KCNQ1OT1: variants seen among roughly 807,000 people sequenced by gnomAD.
KCNQ1OT1 encodes the protein KCNQ1 antisense RNA 2 (non-protein coding).
At chr11:2,618,544 G>T (rs537318166) in exon 1 of KCNQ1OT1, 1 of 398,498 alleles carries the variant, frequency 2.5e-6, no homozygotes, top group Admixed American at 4.4e-5. Context: ...TCTCTATTCT[G>T]TTCCACTGGT....
chr11:2,646,230 T>C, exon 1 of KCNQ1OT1: 1 of 398,672 alleles, frequency 2.5e-6, no homozygotes, highest in Non-Finnish European at 4.4e-6. Context: ...ATGCCTCTAG[T>C]CAGCCATCTT....
Position 2,621,139 on chromosome 11 carries a change from G to A in KCNQ1OT1, n.78856C>T, listed in dbSNP as rs868359295. On this transcript the variant is annotated non_coding_transcript_exon_variant, in exon 1 of 1. Transcript: ENST00000597346. The surrounding 1 kb of genome is among the most constrained non-coding windows in gnomAD (Gnocchi z 5.7). Reference sequence around the variant, plus strand: ...ATTACAGGTGACCGCCACCATACCTGGCTAATTTTTGTGTTTTTAGTAGAG... The same window carrying A: ...ATTACAGGTGACCGCCACCATACCTAGCTAATTTTTGTGTTTTTAGTAGAG... 3 of 396,862 alleles carry A rather than the reference G, an allele frequency of 7.6e-6. No homozygotes were observed. Among genetic ancestry groups the A allele is most frequent in the Middle Eastern group, 6.3e-4 (1 of 1,584 alleles). 24.6% of individuals were successfully genotyped at this position (396,862 alleles called of 1,614,324 possible). A position where few individuals can be genotyped will look rare whatever the true frequency, so the allele number is the denominator to read the frequency against.
chr11:2,662,417 T>C, exon 1 of KCNQ1OT1: 1 of 502,754 alleles, frequency 2.0e-6, no homozygotes, highest in Non-Finnish European at 3.5e-6. Context: ...CGACTTTGTT[T>C]TTTAGCATTT....
At chr11:2,635,008 T>G (rs1849435073) in exon 1 of KCNQ1OT1, 1 of 152,232 alleles carries the variant, frequency 6.6e-6, no homozygotes, top group Non-Finnish European at 1.5e-5. Flanking sequence ...TCATAACCTT[T>G]GCCCACTTTT....
chr11:2,648,197 C>T lies in KCNQ1OT1; in HGVS notation n.51798G>A, dbSNP rs564466058. 3.0e-3 allele frequency: 355 copies of T among 118,188 alleles called. 2 individuals are homozygous for T. The highest frequency in any genetic ancestry group is 4.6e-3 in the Middle Eastern group (1 of 218). The allele number at this position is 118,188 out of a possible 1,614,324, so 7.3% of individuals were successfully genotyped here. A position where few individuals can be genotyped will look rare whatever the true frequency, so the allele number is the denominator to read the frequency against. ...TCTAGCCTGGGTGACAGAGTGAGAC[C>T]GTGTCTCGGGGGGTGGGGGGGAGGC... On this transcript the variant is annotated non_coding_transcript_exon_variant, in exon 1 of 1. Transcript: ENST00000597346.
chr11:2,661,673 G>A lies in KCNQ1OT1; in HGVS notation n.38322C>T. ...GAACATGGGAAGAGGCCCAGAACCT[G>A]AGGTGGGGAGAGTCTTGGACACCTG... On this transcript the variant is annotated non_coding_transcript_exon_variant, in exon 1 of 1. Transcript: ENST00000597346. This position sits in a 1 kb window ranked among gnomAD's most constrained non-coding sequence, Gnocchi z 5.9. 3 of 597,774 alleles carry A rather than the reference G, an allele frequency of 5.0e-6. No homozygotes were observed. The highest frequency in any genetic ancestry group is 8.9e-6 in the Non-Finnish European group (3 of 335,212). 37.0% of individuals were successfully genotyped at this position (597,774 alleles called of 1,614,324 possible).
At chr11:2,637,361 C>T (rs1849489024) in exon 1 of KCNQ1OT1, 1 of 152,168 alleles carries the variant, frequency 6.6e-6, no homozygotes, top group Admixed American at 6.6e-5. Context: ...AAATGTGTCC[C>T]AGAGATTCTG....
exon 1 of KCNQ1OT1, chr11:2,685,865 T>G: frequency 2.5e-6 from 1 of 398,748 alleles, no homozygotes; most frequent in Non-Finnish European, 4.4e-6. Context: ...CACCCAGGAC[T>G]CAGACCACAA....
chr11:2,635,307 G>C (rs1849444842), exon 1 of KCNQ1OT1: 1 of 152,050 alleles, frequency 6.6e-6, no homozygotes, highest in African/African-American at 2.4e-5. Context: ...GGGTTTTTAC[G>C]GTTTTAGGTC....
Position 2,647,229 on chromosome 11 carries a change from G to C in KCNQ1OT1, n.52766C>G, listed in dbSNP as rs992900161. ...ATGCTTTTTCTGCATCTATTGAGAT[G>C]ATCATGTATTTTTTTGTCCTTCCTT... On this transcript the variant is annotated non_coding_transcript_exon_variant, in exon 1 of 1. Coordinates refer to ENST00000597346, the Ensembl canonical transcript of KCNQ1OT1. This position sits in a 1 kb window ranked among gnomAD's most constrained non-coding sequence, Gnocchi z 4.0. The C allele has an allele frequency of 5.0e-6, 2 of 398,340 alleles. No individual in the cohort carries two copies. The highest frequency in any genetic ancestry group is 8.8e-6 in the Non-Finnish European group (2 of 226,008). The allele number at this position is 398,340 out of a possible 1,614,324, so 24.7% of individuals were successfully genotyped here.
chr11:2,652,671 T>C lies in KCNQ1OT1; in HGVS notation n.47324A>G, dbSNP rs1022705119. On this transcript the variant is annotated non_coding_transcript_exon_variant, in exon 1 of 1. Transcript: ENST00000597346. This position sits in a 1 kb window ranked among gnomAD's most constrained non-coding sequence, Gnocchi z 5.9. ...CAGCATGGAGACCCGGGTGGGTCGA[T>C]TTTAGTTGTGTGGGTGGCTGTGTTG... The C allele has an allele frequency of 2.5e-6, 1 of 397,918 alleles. No individual in the cohort carries two copies. The highest frequency in any genetic ancestry group is 4.4e-6 in the Non-Finnish European group (1 of 225,978). The allele number at this position is 397,918 out of a possible 1,614,324, so 24.6% of individuals were successfully genotyped here.
At chr11:2,634,410 C>T (rs1314054251) in exon 1 of KCNQ1OT1, 10 of 190,312 alleles carry the variant, frequency 5.3e-5, no homozygotes, top group Non-Finnish European at 6.1e-5. Flanking sequence ...TTCCCACCTA[C>T]GAGTGAGAAC....
Position 2,627,134 on chromosome 11 carries a change from C to T in KCNQ1OT1, n.72861G>A. 2.5e-6 allele frequency: 1 copy of T among 398,418 alleles called. No homozygotes were observed. The highest frequency in any genetic ancestry group is 4.4e-6 in the Non-Finnish European group (1 of 226,012). The allele number at this position is 398,418 out of a possible 1,614,324, so 24.7% of individuals were successfully genotyped here. On this transcript the variant is annotated non_coding_transcript_exon_variant, in exon 1 of 1. Coordinates refer to ENST00000597346, the Ensembl canonical transcript of KCNQ1OT1. This position sits in a 1 kb window ranked among gnomAD's most constrained non-coding sequence, Gnocchi z 4.9. ...AATTTTCATTGTACAAGACTTTCAC[C>T]TCCTTGGTAAAGTTGGTTCCTAAGT...
exon 1 of KCNQ1OT1, chr11:2,625,856 AC>A (rs1428078267): frequency 1.8e-5 from 7 of 398,546 alleles, no homozygotes; most frequent in African/African-American, 1.4e-4. Flanking sequence ...GGCGTGAGCC[AC>A]CGTGCCTGGC....
Position 2,695,307 on chromosome 11 carries a change from C to T in KCNQ1OT1, n.4688G>A. On this transcript the variant is annotated non_coding_transcript_exon_variant, in exon 1 of 1. Transcript: ENST00000597346. This position sits in a 1 kb window ranked among gnomAD's most constrained non-coding sequence, Gnocchi z 5.2. ...CTCCTCCCTACACAAACAGCTTCTC[C>T]AGGGTAATTTATTTATATCATTGTG... 2.5e-6 allele frequency: 1 copy of T among 397,586 alleles called. No individual in the cohort carries two copies. The highest frequency in any genetic ancestry group is 1.3e-4 in the South Asian group (1 of 7,738). 24.6% of individuals were successfully genotyped at this position (397,586 alleles called of 1,614,324 possible). A position where few individuals can be genotyped will look rare whatever the true frequency, so the allele number is the denominator to read the frequency against.
At position 2,647,294 on chromosome 11, in the gene KCNQ1OT1, T is replaced by G; in HGVS notation, n.52701A>C. ...TATCACATTTATTGATTTGTATATG[T>G]TGAACCATCCTTGAATCCCTGGGAT... On this transcript the variant is annotated non_coding_transcript_exon_variant, in exon 1 of 1. Transcript: ENST00000597346. This position sits in a 1 kb window ranked among gnomAD's most constrained non-coding sequence, Gnocchi z 4.0. 2.5e-6 allele frequency: 1 copy of G among 398,600 alleles called. No individual in the cohort carries two copies. 24.7% of individuals were successfully genotyped at this position (398,600 alleles called of 1,614,324 possible). A position where few individuals can be genotyped will look rare whatever the true frequency, so the allele number is the denominator to read the frequency against.
rs1329938326 is a variant in KCNQ1OT1 at position 2,608,645 on chromosome 11, G to A, written n.91350C>T. ...CCAGCTGTTATTCAAAAAATATTTT[G>A]TAGAGATAGGGTCTTGCTTTGTTGT... On this transcript the variant is annotated non_coding_transcript_exon_variant, in exon 1 of 1. Coordinates refer to ENST00000597346, the Ensembl canonical transcript of KCNQ1OT1. This position sits in a 1 kb window ranked among gnomAD's most constrained non-coding sequence, Gnocchi z 4.6. 2.5e-6 allele frequency: 1 copy of A among 398,358 alleles called. No individual in the cohort carries two copies. The highest frequency in any genetic ancestry group is 2.1e-5 in the African/African-American group (1 of 48,556). The allele number at this position is 398,358 out of a possible 1,614,324, so 24.7% of individuals were successfully genotyped here. A position where few individuals can be genotyped will look rare whatever the true frequency, so the allele number is the denominator to read the frequency against.
chr11:2,651,096 C>T lies in KCNQ1OT1; in HGVS notation n.48899G>A. Reference sequence around the variant, plus strand: ...CTCATTACTGGTCTCTTGATTTCCACTCTTGCTTCCTGTACTCCATTCTTC... The same window carrying T: ...CTCATTACTGGTCTCTTGATTTCCATTCTTGCTTCCTGTACTCCATTCTTC... On this transcript the variant is annotated non_coding_transcript_exon_variant, in exon 1 of 1. Coordinates refer to ENST00000597346, the Ensembl canonical transcript of KCNQ1OT1. The surrounding 1 kb of genome is among the most constrained non-coding windows in gnomAD (Gnocchi z 6.1). 1 of 398,752 alleles carries T rather than the reference C, an allele frequency of 2.5e-6. No individual in the cohort carries two copies. The allele number at this position is 398,752 out of a possible 1,614,324, so 24.7% of individuals were successfully genotyped here. A position where few individuals can be genotyped will look rare whatever the true frequency, so the allele number is the denominator to read the frequency against.
exon 1 of KCNQ1OT1, chr11:2,699,199 A>T (rs1163878835): frequency 7.5e-6 from 3 of 398,666 alleles, no homozygotes; most frequent in Non-Finnish European, 8.8e-6. Flanking sequence ...GATCCTTGGG[A>T]CGCGGCCAGG....
Sources: allele counts gnomAD v4.1 joint callset, GRCh38; gene constraint gnomAD v4.1.1; non-coding constraint Gnocchi (gnomAD v3.1); transcripts MANE v1.5; gene names NCBI Gene and HGNC (gene_info 2026-07-23, HGNC 2026-07-21).